Variants in GPR158 observed in about 807,000 individuals in gnomAD.
The protein encoded by GPR158 is G protein-coupled receptor 158.
A neutral mutation model predicts 78.2 loss-of-function variants in GPR158; 30 were observed. The ratio of observed to expected loss-of-function variants is 0.38; its 90% CI spans 0.29 to 0.52. The LOEUF (loss-of-function observed/expected upper bound fraction) is 0.52. GPR158 is among the 20% of genes least tolerant of loss of function. The probability of loss-of-function intolerance (pLI) is 0.83; values close to 1 mark genes in which losing one functional copy is unlikely to be tolerated. For missense variants in GPR158, 1,463 were observed against 1,523.5 expected, an observed-to-expected ratio of 0.96 and a Z score of 0.66; for synonymous variants, 581 against 591.1, an observed-to-expected ratio of 0.98 and a Z score of 0.25.
At chr10:25,190,284 G>T (rs1317364515) in intron 1 of GPR158, among the ~76,000 whole-genome samples, 1 of 152,082 alleles carries the variant, frequency 6.6e-6, no homozygotes, top group East Asian at 1.9e-4. Flanking sequence ...TATCACAAAT[G>T]AATTTCCTAG....
chr10:25,327,273 G>C (rs1019644082), intron 2 of GPR158, among the ~76,000 whole-genome samples: 1 of 150,422 alleles, frequency 6.6e-6, no homozygotes, highest in African/African-American at 2.5e-5. Context: ...CACACACACA[G>C]AAACACAAAC....
intron 2 of GPR158, among the ~76,000 whole-genome samples, chr10:25,313,328 A>G (rs1588792836): frequency 6.6e-6 from 1 of 151,716 alleles, no homozygotes; most frequent in African/African-American, 2.4e-5. Flanking sequence ...CAGCACACCA[A>G]CATGGCACAT....
intron 9 of GPR158, among the ~76,000 whole-genome samples, chr10:25,595,447 G>C (rs35912786): frequency 0.3 from 45,123 of 151,712 alleles, 9,155 homozygotes; most frequent in African/African-American, 0.58. Context: ...GAAACTTGTA[G>C]AAGGATGTTC....
intron 1 of GPR158, among the ~76,000 whole-genome samples, chr10:25,215,636 A>T (rs1853200402): frequency 6.6e-6 from 1 of 152,144 alleles, no homozygotes; most frequent in South Asian, 2.1e-4. Flanking sequence ...GGAGTTCAAG[A>T]CCAGCCTGGC....
At chr10:25,362,403 T>C (rs567614432) in intron 2 of GPR158, among the ~76,000 whole-genome samples, 29 of 152,050 alleles carry the variant, frequency 1.9e-4, no homozygotes, top group African/African-American at 7.0e-4. Context: ...TCTCTAAATT[T>C]TTTTTTCTTC....
intron 6 of GPR158, among the ~76,000 whole-genome samples, chr10:25,551,466 A>G (rs1190313855): frequency 1.3e-5 from 2 of 152,178 alleles, no homozygotes; most frequent in African/African-American, 4.8e-5. Context: ...TTATTTGACA[A>G]AAACTACCAT....
chr10:25,416,570 G>C (rs1185688088), intron 4 of GPR158, among the ~76,000 whole-genome samples: 1 of 151,962 alleles, frequency 6.6e-6, no homozygotes. Flanking sequence ...TTGAGAATTA[G>C]GACACATACT....
At chr10:25,302,673 T>C (rs941552650) in intron 2 of GPR158, among the ~76,000 whole-genome samples, 2 of 152,212 alleles carry the variant, frequency 1.3e-5, no homozygotes, top group South Asian at 2.1e-4. Context: ...TTGTACAATA[T>C]GTAAAAACAA....
intron 2 of GPR158, among the ~76,000 whole-genome samples, chr10:25,356,001 T>C (rs182279063): frequency 2.0e-5 from 3 of 152,192 alleles, no homozygotes; most frequent in African/African-American, 7.2e-5. Flanking sequence ...GTGATGTCTC[T>C]TCCTCAGGAA....
chr10:25,178,279 A>G (rs1301164362), intron 1 of GPR158, among the ~76,000 whole-genome samples: 2 of 152,176 alleles, frequency 1.3e-5, no homozygotes, highest in African/African-American at 4.8e-5. Context: ...CATACTTCAT[A>G]TCATATGTAC....
chr10:25,340,721 TA>T (rs1265623780), intron 2 of GPR158, among the ~76,000 whole-genome samples: 1 of 151,898 alleles, frequency 6.6e-6, no homozygotes, highest in Non-Finnish European at 1.5e-5. Context: ...GAAAAGAGCT[TA>T]AAAAACAGAA....
intron 2 of GPR158, among the ~76,000 whole-genome samples, chr10:25,234,527 A>G (rs1040572875): frequency 3.9e-5 from 6 of 152,224 alleles, no homozygotes; most frequent in African/African-American, 9.7e-5. Context: ...TTCTTAAACA[A>G]TCTTGACCAA....
intron 1 of GPR158, among the ~76,000 whole-genome samples, chr10:25,194,260 TG>T (rs2130646231): frequency 1.3e-5 from 2 of 152,276 alleles, no homozygotes; most frequent in East Asian, 3.9e-4. Context: ...AGAGCCAGGC[TG>T]GGCCCAGTGG....
chr10:25,188,937 G>GA (rs1281296429), intron 1 of GPR158, among the ~76,000 whole-genome samples: 1 of 151,982 alleles, frequency 6.6e-6, no homozygotes, highest in African/African-American at 2.4e-5. Flanking sequence ...AAATTTACAA[G>GA]AAAAAAACAA....
At chr10:25,539,872 G>A (rs1240713687) in intron 5 of GPR158, among the ~76,000 whole-genome samples, 1 of 152,094 alleles carries the variant, frequency 6.6e-6, no homozygotes, top group Non-Finnish European at 1.5e-5. Flanking sequence ...AGTAAGATTT[G>A]AAGGACATGC....
intron 1 of GPR158, among the ~76,000 whole-genome samples, chr10:25,192,230 C>T (rs1449368891): frequency 6.6e-6 from 1 of 152,118 alleles, no homozygotes; most frequent in Non-Finnish European, 1.5e-5. Context: ...TTCATTTTCC[C>T]CACTGCCACC....
intron 4 of GPR158, among the ~76,000 whole-genome samples, chr10:25,443,746 T>A (rs1244557085): frequency 6.6e-6 from 1 of 150,550 alleles, no homozygotes; most frequent in Non-Finnish European, 1.5e-5. Flanking sequence ...GCCCTTCTTT[T>A]TTTTGGTGAG....
intron 4 of GPR158, among the ~76,000 whole-genome samples, chr10:25,448,085 T>TC (rs1292743933): frequency 2.8e-5 from 1 of 35,104 alleles, no homozygotes; most frequent in Non-Finnish European, 4.9e-5. Context: ...TCTGACTTCT[T>TC]TTTTTTTTTT....
intron 2 of GPR158, among the ~76,000 whole-genome samples, chr10:25,275,715 T>C (rs1854174407): frequency 1.3e-5 from 2 of 152,196 alleles, no homozygotes; most frequent in Admixed American, 6.5e-5. Context: ...CATTTACATA[T>C]TATTTTTAAA....
Sources: gnomAD v4.1 joint callset for allele counts (sites outside exome capture counted in the v4.1 genomes callset) on GRCh38, gnomAD v4.1.1 for gene constraint, MANE v1.5 for transcripts, NCBI Gene and HGNC (gene_info 2026-07-23, HGNC 2026-07-21) for gene names.